NELL2: variants seen among roughly 807,000 people sequenced by gnomAD.
NELL2 encodes neural EGFL like 2.
NELL2 carries 41 observed loss-of-function variants against 109.6 expected under a neutral mutation model. The observed-to-expected ratio is 0.37, with a 90% CI of 0.29 to 0.49. NELL2 has a LOEUF of 0.49. NELL2 is among the 20% of genes least tolerant of loss of function. The pLI is 0.98. For missense variants in NELL2, 900 were observed against 1,008.3 expected (o/e 0.89, Z 1.45); for synonymous variants, 355 against 344.7 (o/e 1.03, Z -0.33).
chr12:44,509,046 A>G lies in NELL2; in HGVS notation c.2401-62T>C. The G allele has an allele frequency of 2.2e-6, 3 of 1,333,388 alleles. No individual in the cohort carries two copies. In the Admixed American group the frequency reaches 5.3e-5, roughly 24 times the overall value. The allele number at this position is 1,333,388 out of a possible 1,614,324, so 82.6% of individuals were successfully genotyped here. Reference sequence around the variant, plus strand: ...ATTTTTAAGCCATTAGTAAATGATCACATTTATTGATTGGTACTTACAAAC... The same window carrying G: ...ATTTTTAAGCCATTAGTAAATGATCGCATTTATTGATTGGTACTTACAAAC... On this transcript the variant is annotated intron_variant, in intron 19 of 19. Coordinates refer to ENST00000429094, the MANE Select transcript of NELL2 (RefSeq NM_001145108.2).
At chr12:44,754,078 T>C (rs1940773961) in intron 9 of NELL2, among the ~76,000 whole-genome samples, 1 of 152,174 alleles carries the variant, frequency 6.6e-6, no homozygotes, top group South Asian at 2.1e-4. Flanking sequence ...AAGTGAAGAA[T>C]TAAGAGAATA....
chr12:44,541,143 C>G (rs2198339), intron 15 of NELL2, among the ~76,000 whole-genome samples: 1 of 148,408 alleles, frequency 6.7e-6, no homozygotes, highest in Non-Finnish European at 1.5e-5. Context: ...CCCAGCTACT[C>G]GGGAGGCTGA....
chr12:44,612,385 G>A (rs566858145), intron 13 of NELL2, among the ~76,000 whole-genome samples: 1 of 151,854 alleles, frequency 6.6e-6, no homozygotes, highest in East Asian at 1.9e-4. Context: ...AGGAAAGAAA[G>A]ATTTCAATCA....
At chr12:44,869,930 C>T (rs1038574348) in intron 2 of NELL2, among the ~76,000 whole-genome samples, 1 of 152,166 alleles carries the variant, frequency 6.6e-6, no homozygotes, top group Non-Finnish European at 1.5e-5. Context: ...TCTCACGTTA[C>T]TACAAACAGC....
intron 15 of NELL2, among the ~76,000 whole-genome samples, chr12:44,564,517 G>T (rs1474656804): frequency 6.6e-6 from 1 of 152,170 alleles, no homozygotes; most frequent in Non-Finnish European, 1.5e-5. Context: ...GATATTTGCA[G>T]CATGCTAGGC....
At chr12:44,649,068 A>G (rs936802868) in intron 13 of NELL2, among the ~76,000 whole-genome samples, 2 of 151,958 alleles carry the variant, frequency 1.3e-5, no homozygotes, top group African/African-American at 4.8e-5. Flanking sequence ...GCCCGGCCAC[A>G]ATGCCATCTT....
chr12:44,621,167 C>T (rs957136836), intron 13 of NELL2, among the ~76,000 whole-genome samples: 3 of 152,254 alleles, frequency 2.0e-5, no homozygotes, highest in South Asian at 2.1e-4. Flanking sequence ...GTGCTATTCT[C>T]GGCCCAGAAA....
intron 13 of NELL2, among the ~76,000 whole-genome samples, chr12:44,622,848 A>G (rs1946108769): frequency 6.6e-6 from 1 of 152,168 alleles, no homozygotes; most frequent in Admixed American, 6.6e-5. Flanking sequence ...AGAGTATGTT[A>G]TTTCAATATC....
At chr12:44,824,487 A>C (rs1014365217) in intron 2 of NELL2, among the ~76,000 whole-genome samples, 14 of 152,044 alleles carry the variant, frequency 9.2e-5, no homozygotes, top group African/African-American at 3.4e-4. Flanking sequence ...TTTTCCCAAC[A>C]CTATTTATTG....
intron 13 of NELL2, among the ~76,000 whole-genome samples, chr12:44,628,861 A>C (rs952010606): frequency 6.6e-5 from 10 of 152,166 alleles, no homozygotes; most frequent in Non-Finnish European, 1.3e-4. Flanking sequence ...TTTCAGACTA[A>C]AGGACTATTT....
At chr12:44,857,497 C>T (rs1292598129) in intron 2 of NELL2, among the ~76,000 whole-genome samples, 1 of 152,170 alleles carries the variant, frequency 6.6e-6, no homozygotes, top group Non-Finnish European at 1.5e-5. Flanking sequence ...AAACACTATT[C>T]AAGGTTCCCT....
At chr12:44,625,633 A>G (rs1260084516) in intron 13 of NELL2, among the ~76,000 whole-genome samples, 1 of 152,072 alleles carries the variant, frequency 6.6e-6, no homozygotes, top group Non-Finnish European at 1.5e-5. Context: ...AGAGGAGAAA[A>G]AAAATCCATC....
At chr12:44,837,161 G>C (rs1438747331) in intron 2 of NELL2, among the ~76,000 whole-genome samples, 2 of 152,154 alleles carry the variant, frequency 1.3e-5, no homozygotes, top group Non-Finnish European at 2.9e-5. Context: ...TTTCCTAAGT[G>C]CCTTTTTTGA....
chr12:44,810,351 T>C (rs1592578929), intron 3 of NELL2, among the ~76,000 whole-genome samples: 1 of 152,142 alleles, frequency 6.6e-6, no homozygotes, highest in South Asian at 2.1e-4. Flanking sequence ...GAGAAAAGGA[T>C]GAGAAAGCTG....
At chr12:44,519,095 G>A (rs1419216438) in intron 19 of NELL2, among the ~76,000 whole-genome samples, 2 of 152,054 alleles carry the variant, frequency 1.3e-5, no homozygotes, top group African/African-American at 4.8e-5. Context: ...GAATTAAATT[G>A]CTCTGTAGGA....
chr12:44,631,833 G>A (rs1169341530), intron 13 of NELL2, among the ~76,000 whole-genome samples: 4 of 151,884 alleles, frequency 2.6e-5, no homozygotes, highest in Non-Finnish European at 4.4e-5. Context: ...ATTCTGTCAG[G>A]GAGCTTACCC....
chr12:44,634,019 G>A (rs138479625), intron 13 of NELL2, among the ~76,000 whole-genome samples: 112 of 152,188 alleles, frequency 7.4e-4, no homozygotes, highest in African/African-American at 2.6e-3. Flanking sequence ...TTTTTTATAT[G>A]TAACTGACAC....
At chr12:44,593,487 T>C (rs1453836449) in intron 15 of NELL2, among the ~76,000 whole-genome samples, 1 of 152,216 alleles carries the variant, frequency 6.6e-6, no homozygotes, top group Non-Finnish European at 1.5e-5. Context: ...GGCTTGTCAA[T>C]TTAATAGCTA....
At chr12:44,891,449 G>A (rs572887215) in intron 1 of NELL2, among the ~76,000 whole-genome samples, 19 of 152,236 alleles carry the variant, frequency 1.2e-4, no homozygotes, top group African/African-American at 2.9e-4. Flanking sequence ...CTCTGCTCTC[G>A]GCTCAGAAAC....
Sources: allele counts gnomAD v4.1 joint callset (sites outside exome capture counted in the v4.1 genomes callset), GRCh38; gene constraint gnomAD v4.1.1; transcripts MANE v1.5; gene names NCBI Gene and HGNC (gene_info 2026-07-23, HGNC 2026-07-21).